The following RIMS2 variants were observed in gnomAD, a reference collection of about 807,000 sequenced individuals.
The protein encoded by RIMS2 is regulating synaptic membrane exocytosis 2, also known as regulating synaptic membrane exocytosis protein 2.
Under a neutral mutation model 174.4 loss-of-function variants are expected in RIMS2, and 59 were observed. The observed-to-expected ratio is 0.34, with a 90% CI of 0.27 to 0.42. RIMS2 has a LOEUF of 0.42. Ranked by LOEUF, RIMS2 falls within the 10% of genes least tolerant of loss-of-function variation. The pLI is 1.00. For synonymous variants in RIMS2, 606 were observed against 572.5 expected (o/e 1.06, Z -0.84); for missense variants, 1,620 against 1,666.3 (o/e 0.97, Z 0.48).
chr8:103,835,879 A>G (rs2098884579), intron 3 of RIMS2, among the ~76,000 whole-genome samples: 1 of 152,208 alleles, frequency 6.6e-6, no homozygotes, highest in Admixed American at 6.5e-5. Flanking sequence ...TTTCTTTACT[A>G]CTTTACTTCA....
At chr8:104,046,211 G>C (rs150263386) in intron 19 of RIMS2, among the ~76,000 whole-genome samples, 1 of 152,078 alleles carries the variant, frequency 6.6e-6, no homozygotes, top group East Asian at 1.9e-4. Flanking sequence ...CTGGTTCATG[G>C]ACCACCATCT....
intron 2 of RIMS2, among the ~76,000 whole-genome samples, chr8:103,756,298 G>C (rs2098002814): frequency 6.6e-6 from 1 of 151,794 alleles, no homozygotes; most frequent in Admixed American, 6.6e-5. Context: ...CTTCTGCCTT[G>C]ATCCCACTGG....
intron 1 of RIMS2, chr8:103,652,212 G>A (rs2096463795): frequency 2.2e-6 from 3 of 1,348,878 alleles, no homozygotes; most frequent in Non-Finnish European, 2.9e-6. Flanking sequence ...TAGGGTCAAA[G>A]AAGAACACAA....
At chr8:104,025,310 C>A (rs1455421002) in intron 19 of RIMS2, among the ~76,000 whole-genome samples, 1 of 151,892 alleles carries the variant, frequency 6.6e-6, no homozygotes. Context: ...TAAGACCCTG[C>A]CTCTACCAAA....
At chr8:103,742,643 G>C (rs1394319357) in intron 2 of RIMS2, among the ~76,000 whole-genome samples, 1 of 152,074 alleles carries the variant, frequency 6.6e-6, no homozygotes, top group East Asian at 1.9e-4. Flanking sequence ...AGCCAGTCTT[G>C]ATTAACTGCT....
chr8:103,687,837 G>T (rs2096961431), intron 1 of RIMS2, among the ~76,000 whole-genome samples: 1 of 152,000 alleles, frequency 6.6e-6, no homozygotes, highest in Non-Finnish European at 1.5e-5. Flanking sequence ...CAAATGACAG[G>T]ACTTCTTTCT....
At chr8:103,790,965 G>A (rs372669982) in intron 3 of RIMS2, among the ~76,000 whole-genome samples, 3 of 152,284 alleles carry the variant, frequency 2.0e-5, no homozygotes, top group East Asian at 3.9e-4. Flanking sequence ...TGAAAGTGAC[G>A]GGGAGAATGG....
chr8:103,928,832 C>A (rs758072773), intron 11 of RIMS2, among the ~76,000 whole-genome samples: 26 of 151,344 alleles, frequency 1.7e-4, no homozygotes, highest in Non-Finnish European at 3.0e-4. Flanking sequence ...TGAACAGGAA[C>A]TATGTCAGGA....
chr8:104,099,176 T>A (rs188251876), intron 19 of RIMS2, among the ~76,000 whole-genome samples: 7 of 152,320 alleles, frequency 4.6e-5, no homozygotes. Flanking sequence ...CAGCTGAACA[T>A]AAGTTTCTAC....
chr8:104,209,784 A>C (rs2099097438), intron 19 of RIMS2, among the ~76,000 whole-genome samples: 1 of 152,220 alleles, frequency 6.6e-6, no homozygotes, highest in Non-Finnish European at 1.5e-5. Context: ...GTATGTTTGA[A>C]GGACACAAAC....
At chr8:103,935,587 T>TA (rs758729422) in intron 12 of RIMS2, among the ~76,000 whole-genome samples, 2 of 152,206 alleles carry the variant, frequency 1.3e-5, no homozygotes. Context: ...TAGCAGTTGA[T>TA]ACTGTTCTAA....
intron 2 of RIMS2, among the ~76,000 whole-genome samples, chr8:103,723,281 G>A (rs1273519806): frequency 6.6e-6 from 1 of 152,122 alleles, no homozygotes; most frequent in Non-Finnish European, 1.5e-5. Flanking sequence ...GATTATTCAC[G>A]ATCTTTTGGA....
intron 1 of RIMS2, among the ~76,000 whole-genome samples, chr8:103,536,625 C>CAGAGCA (rs1839876901): frequency 6.6e-6 from 1 of 152,056 alleles, no homozygotes; most frequent in African/African-American, 2.4e-5. Context: ...CTTGCATGGC[C>CAGAGCA]AGAGCAAGAG....
chr8:103,623,524 G>A (rs376800169), intron 1 of RIMS2, among the ~76,000 whole-genome samples: 26 of 112,656 alleles, frequency 2.3e-4, no homozygotes, highest in Admixed American at 2.0e-3. Flanking sequence ...TCGCTCTGTC[G>A]CCCAGGCTGG....
intron 1 of RIMS2, chr8:103,568,743 G>A: frequency 9.7e-7 from 1 of 1,029,100 alleles, no homozygotes; most frequent in South Asian, 1.2e-5. Flanking sequence ...AGCAGCTGTA[G>A]ATTCTTCACT....
chr8:103,717,138 CTTT>C (rs11373218), intron 2 of RIMS2, among the ~76,000 whole-genome samples: 2 of 113,106 alleles, frequency 1.8e-5, no homozygotes, highest in Non-Finnish European at 3.5e-5. Context: ...ATAGTGCCTT[CTTT>C]TTTTTTTTTT....
At chr8:103,962,253 A>T (rs1020099771) in intron 15 of RIMS2, among the ~76,000 whole-genome samples, 1 of 151,822 alleles carries the variant, frequency 6.6e-6, no homozygotes, top group Non-Finnish European at 1.5e-5. Flanking sequence ...ATTTAATATG[A>T]TCATTTTAAG....
exon 19 of RIMS2, chr8:104,014,574 G>C: frequency 6.2e-7 from 1 of 1,612,880 alleles, no homozygotes; most frequent in Non-Finnish European, 8.5e-7. Context: ...CGAAGGGGCC[G>C]ACAGCTTCCA....
chr8:104,022,441 C>T (rs765107525), intron 19 of RIMS2, among the ~76,000 whole-genome samples: 1 of 152,062 alleles, frequency 6.6e-6, no homozygotes, highest in East Asian at 1.9e-4. Context: ...AGTGCAGTGG[C>T]GCACAGTCTC....
Sources: gnomAD v4.1 joint callset for allele counts (sites outside exome capture counted in the v4.1 genomes callset) on GRCh38, gnomAD v4.1.1 for gene constraint, MANE v1.5 for transcripts, NCBI Gene and HGNC (gene_info 2026-07-23, HGNC 2026-07-21) for gene names.